Variants in LRRC4C observed in about 807,000 individuals in gnomAD.
The protein encoded by LRRC4C is leucine-rich repeat-containing protein 4C.
LRRC4C carries 5 observed loss-of-function variants against 33.6 expected under a neutral mutation model. The observed-to-expected ratio is 0.15, with a 90% CI of 0.08 to 0.31. LRRC4C has a LOEUF of 0.31. Among genes scored for constraint, LRRC4C ranks in the 10% least tolerant of loss-of-function variants. The pLI, the probability that LRRC4C is intolerant of heterozygous loss-of-function variation, is 1.00. For synonymous variants in LRRC4C, 329 were observed against 302.0 expected, an observed-to-expected ratio of 1.09 and a Z score of -0.93; for missense variants, 560 against 796.7, an observed-to-expected ratio of 0.70 and a Z score of 3.58.
chr11:41,434,047 C>T (rs2138449521), intron 1 of LRRC4C, among the ~76,000 whole-genome samples: 1 of 152,054 alleles, frequency 6.6e-6, no homozygotes, highest in South Asian at 2.1e-4. Flanking sequence ...CATAGTTTTC[C>T]TGCATTCAAG....
At chr11:40,883,522 A>G (rs1442106544) in intron 2 of LRRC4C, among the ~76,000 whole-genome samples, 1 of 152,124 alleles carries the variant, frequency 6.6e-6, no homozygotes, top group Non-Finnish European at 1.5e-5. Flanking sequence ...CATGGGTGCA[A>G]TTGCCATTCA....
intron 1 of LRRC4C, among the ~76,000 whole-genome samples, chr11:41,404,097 G>A (rs1225614424): frequency 6.6e-6 from 1 of 151,918 alleles, no homozygotes; most frequent in Non-Finnish European, 1.5e-5. Context: ...TGCCAACAGT[G>A]GTACAACCAT....
intron 3 of LRRC4C, among the ~76,000 whole-genome samples, chr11:40,554,509 T>C (rs1307656372): frequency 6.6e-6 from 1 of 152,170 alleles, no homozygotes; most frequent in Non-Finnish European, 1.5e-5. Context: ...AATGATGTTG[T>C]GATTTGATAT....
chr11:40,646,658 C>G (rs1304014102), intron 3 of LRRC4C, among the ~76,000 whole-genome samples: 2 of 152,194 alleles, frequency 1.3e-5, no homozygotes, highest in Non-Finnish European at 2.9e-5. Flanking sequence ...CCAGGCCGGA[C>G]TGCAGTGGCA....
At chr11:40,417,592 T>A (rs939847824) in intron 3 of LRRC4C, among the ~76,000 whole-genome samples, 1 of 152,040 alleles carries the variant, frequency 6.6e-6, no homozygotes, top group Admixed American at 6.6e-5. Flanking sequence ...CTTCAAGTGA[T>A]CTACCTACCT....
At chr11:41,228,324 T>C (rs1422082556) in intron 1 of LRRC4C, among the ~76,000 whole-genome samples, 3 of 152,066 alleles carry the variant, frequency 2.0e-5, no homozygotes, top group Non-Finnish European at 4.4e-5. Flanking sequence ...TAATTCTCAC[T>C]ATTTTTATGA....
At chr11:40,577,138 C>A (rs1177881186) in intron 3 of LRRC4C, among the ~76,000 whole-genome samples, 1 of 152,162 alleles carries the variant, frequency 6.6e-6, no homozygotes, top group East Asian at 1.9e-4. Context: ...TGATCCAAAG[C>A]ATGAACTTGT....
intron 1 of LRRC4C, among the ~76,000 whole-genome samples, chr11:41,242,405 G>A (rs936180933): frequency 3.9e-5 from 6 of 152,210 alleles, no homozygotes; most frequent in African/African-American, 1.4e-4. Context: ...CTACAGGCAT[G>A]CAGTGGGTCA....
intron 3 of LRRC4C, among the ~76,000 whole-genome samples, chr11:40,475,599 T>C (rs1953173931): frequency 6.6e-6 from 1 of 152,074 alleles, no homozygotes; most frequent in South Asian, 2.1e-4. Context: ...TTAAGTATAA[T>C]AATAATAATA....
intron 2 of LRRC4C, among the ~76,000 whole-genome samples, chr11:40,891,672 T>A (rs192005269): frequency 6.6e-6 from 1 of 152,230 alleles, no homozygotes; most frequent in East Asian, 1.9e-4. Context: ...CCATTGATCA[T>A]CCGAGAAATG....
At chr11:40,400,940 G>T (rs746934418) in intron 3 of LRRC4C, among the ~76,000 whole-genome samples, 1 of 151,986 alleles carries the variant, frequency 6.6e-6, no homozygotes. Flanking sequence ...AATTCCATGA[G>T]GATAAGTGTA....
intron 2 of LRRC4C, among the ~76,000 whole-genome samples, chr11:40,796,892 C>T (rs572300421): frequency 1.6e-4 from 24 of 152,164 alleles, no homozygotes; most frequent in African/African-American, 5.3e-4. Context: ...AGTGAGCTGC[C>T]GTCCTCGGCC....
chr11:40,626,600 C>A (rs955314744), intron 3 of LRRC4C, among the ~76,000 whole-genome samples: 11 of 152,270 alleles, frequency 7.2e-5, no homozygotes, highest in African/African-American at 2.4e-4. Flanking sequence ...ACTAGGCACC[C>A]AGCATTGTGT....
intron 3 of LRRC4C, among the ~76,000 whole-genome samples, chr11:40,559,373 C>T (rs148322107): frequency 0.034 from 5,093 of 151,898 alleles, 242 homozygotes; most frequent in African/African-American, 0.1. Context: ...TTGGTAGAGA[C>T]GGGGTTTTGC....
chr11:40,377,037 T>G (rs560377339), intron 3 of LRRC4C, among the ~76,000 whole-genome samples: 27 of 152,248 alleles, frequency 1.8e-4, no homozygotes, highest in South Asian at 1.0e-3. Flanking sequence ...AAATAACATT[T>G]GAAAATCTTC....
At chr11:41,406,889 T>C (rs1026688980) in intron 1 of LRRC4C, among the ~76,000 whole-genome samples, 3 of 152,172 alleles carry the variant, frequency 2.0e-5, no homozygotes, top group Non-Finnish European at 2.9e-5. Context: ...GATTAATCTA[T>C]ACTCTGTTTT....
At chr11:40,960,631 C>A (rs1850912365) in intron 1 of LRRC4C, among the ~76,000 whole-genome samples, 1 of 151,640 alleles carries the variant, frequency 6.6e-6, no homozygotes, top group African/African-American at 2.4e-5. Context: ...TATGTTCTAG[C>A]ACAGAAGAAA....
chr11:41,050,325 G>A (rs537398282), intron 1 of LRRC4C, among the ~76,000 whole-genome samples: 2 of 152,242 alleles, frequency 1.3e-5, no homozygotes, highest in South Asian at 4.1e-4. Context: ...AAAGTACATA[G>A]CTATACATGG....
rs1954356626 is a variant in LRRC4C at position 40,866,148 on chromosome 11, A to G, written c.-407+67487T>C. ...CAGAGCAGCCCAAAGTCTCTGGTTGAAATCCCAGGGTAATTCTACTTAAAA... is the reference window on the plus strand; with the variant it reads ...CAGAGCAGCCCAAAGTCTCTGGTTGGAATCCCAGGGTAATTCTACTTAAAA... On this transcript the variant is annotated intron_variant, in intron 2 of 6. Transcript: ENST00000528697. Among the ~76,000 whole-genome samples, 12 of 142,256 alleles carry G rather than the reference A, an allele frequency of 8.4e-5. No homozygotes were observed. The South Asian group carries it at 2.9e-3, about 34-fold the overall frequency. The allele number at this position is 142,256 out of a possible 152,430, so 93.3% of individuals were successfully genotyped here. A position where few individuals can be genotyped will look rare whatever the true frequency, so the allele number is the denominator to read the frequency against.
Sources: allele counts gnomAD v4.1 joint callset (sites outside exome capture counted in the v4.1 genomes callset), GRCh38; gene constraint gnomAD v4.1.1; transcripts MANE v1.5; gene names NCBI Gene and HGNC (gene_info 2026-07-23, HGNC 2026-07-21).